Variants in LOX observed in about 807,000 individuals in gnomAD.
The protein encoded by LOX is protein-lysine 6-oxidase.
In LOX, 12 loss-of-function variants were observed where a neutral mutation model predicts 50.5. The ratio of observed to expected loss-of-function variants is 0.24; its 90% CI spans 0.15 to 0.38. LOX has a LOEUF of 0.38. LOX is among the 10% of genes least tolerant of loss of function. The pLI is 1.00. For synonymous variants in LOX, 254 were observed against 230.6 expected, an observed-to-expected ratio of 1.10 and a Z score of -0.92; for missense variants, 504 against 563.8, an observed-to-expected ratio of 0.89 and a Z score of 1.07.
In LOX at chr5:122,077,976, C is replaced by T. The variant is rs1580568790; in HGVS notation, c.10G>A (p.Ala4Thr). The T allele has an allele frequency of 1.4e-6, 2 of 1,460,982 alleles. No homozygotes were observed. Among genetic ancestry groups the T allele is most frequent in the Non-Finnish European group, 9.0e-7 (1 of 1,111,970 alleles). 90.5% of individuals were successfully genotyped at this position (1,460,982 alleles called of 1,614,324 possible). A position where few individuals can be genotyped will look rare whatever the true frequency, so the allele number is the denominator to read the frequency against. The change falls in exon 1 of 7, where the codon GCC (alanine) becomes ACC (threonine). Residue 4 changes from alanine to threonine, a missense_variant. Around this residue, in one of 2 missense-constraint regions of LOX, gnomAD observed 398 missense variants for 365.8 expected, o/e 1.09. Coordinates refer to ENST00000231004, the MANE Select transcript of LOX (RefSeq NM_002317.7). This position sits in a 1 kb window ranked among gnomAD's most constrained non-coding sequence, Gnocchi z 4.9. ...GGCCCGAGCAGGAGCACGGTCCAGG[C>T]GAAGCGCATCACTCCTTTTGCCAGA... MRF[A>T]WTVLLLGPLQ...
At chr5:122,074,379 G>A (rs1282694523) in intron 3 of LOX, among the ~76,000 whole-genome samples, 2 of 152,040 alleles carry the variant, frequency 1.3e-5, no homozygotes, top group African/African-American at 2.4e-5. Context: ...TTGCTACTAG[G>A]ACAAAAGACT....
intron 6 of LOX, among the ~76,000 whole-genome samples, chr5:122,067,767 C>T (rs1015089022): frequency 6.6e-6 from 1 of 152,146 alleles, no homozygotes; most frequent in African/African-American, 2.4e-5. Context: ...CCTGCAGTTT[C>T]CTCCTGCCAT....
At position 122,065,393 on chromosome 5, in the gene LOX, C is replaced by G. The variant is rs998343165; in HGVS notation, c.*1350G>C. 6 of 151,998 alleles carry G rather than the reference C, an allele frequency of 3.9e-5. No homozygotes were observed. Among genetic ancestry groups the G allele is most frequent in the African/African-American group, 1.2e-4 (5 of 41,370 alleles). The allele number at this position is 151,998 out of a possible 1,614,324, so 9.4% of individuals were successfully genotyped here. On this transcript the variant is annotated 3_prime_UTR_variant, in exon 7 of 7. Transcript: ENST00000231004. Reference sequence around the variant, plus strand: ...TATAGGAAAAATTATGCTTAAGCACCACTAACTTAAAAGTGTAATTTCATT... The same window carrying G: ...TATAGGAAAAATTATGCTTAAGCACGACTAACTTAAAAGTGTAATTTCATT...
chr5:122,072,965 G>A (rs1211628489), intron 4 of LOX, among the ~76,000 whole-genome samples: 1 of 152,124 alleles, frequency 6.6e-6, no homozygotes, highest in Non-Finnish European at 1.5e-5. Flanking sequence ...ATAATGTGTG[G>A]GTAAGTTACA....
At chr5:122,070,681 T>C (rs1291321516) in intron 4 of LOX, 92 bp from the exon 5 acceptor site, 5 of 651,514 alleles carry the variant, frequency 7.7e-6, no homozygotes, top group Non-Finnish European at 1.3e-5. Context: ...AATTTTAAGT[T>C]AGTACTTACA....
intron 6 of LOX, among the ~76,000 whole-genome samples, chr5:122,069,747 C>T (rs1754397282): frequency 6.6e-6 from 1 of 152,060 alleles, no homozygotes; most frequent in Non-Finnish European, 1.5e-5. Context: ...ACAAGCTCAC[C>T]CACTCTACAT....
At position 122,077,162 on chromosome 5, in the gene LOX, G is replaced by A; in HGVS notation, c.632-161C>T. The stretch of plus-strand genomic sequence containing the variant: ...AACTGGGGACGCCCGGGACTGCAAA[G>A]CAATGTGAAAAGGAAGCAGGAGGGG... On this transcript the variant is annotated intron_variant, in intron 1 of 6. Coordinates refer to ENST00000231004, the MANE Select transcript of LOX (RefSeq NM_002317.7). This position sits in a 1 kb window ranked among gnomAD's most constrained non-coding sequence, Gnocchi z 4.9. 6.8e-7 allele frequency: 1 copy of A among 1,466,178 alleles called. No individual in the cohort carries two copies. Among genetic ancestry groups the A allele is most frequent in the Non-Finnish European group, 9.0e-7 (1 of 1,114,976 alleles). 90.8% of individuals were successfully genotyped at this position (1,466,178 alleles called of 1,614,324 possible).
At chr5:122,072,483 A>C (rs900037542) in intron 4 of LOX, among the ~76,000 whole-genome samples, 5 of 152,178 alleles carry the variant, frequency 3.3e-5, no homozygotes, top group African/African-American at 1.2e-4. Flanking sequence ...TTAATATGTA[A>C]ATTTTTGTCT....
intron 6 of LOX, among the ~76,000 whole-genome samples, chr5:122,067,871 C>T (rs1580557150): frequency 6.6e-6 from 1 of 151,984 alleles, no homozygotes. Flanking sequence ...TCAAATGTAT[C>T]CTAAAGTCAC....
Position 122,067,349 on chromosome 5 carries a change from CAG to C in LOX, c.1248-602_1248-601del, listed in dbSNP as rs1278117433. On this transcript the variant is annotated intron_variant, in intron 6 of 6. Coordinates refer to ENST00000231004, the MANE Select transcript of LOX (RefSeq NM_002317.7). ...AGTATCTTATAACTGAAAGAAGCCTCAGAGTCACCTGGTCCGTACATTTTGTT... is the reference window on the plus strand; with the variant it reads ...AGTATCTTATAACTGAAAGAAGCCTCAGTCACCTGGTCCGTACATTTTGTT... Among the ~76,000 whole-genome samples, 10 of 152,068 alleles carry C rather than the reference CAG, an allele frequency of 6.6e-5. No individual in the cohort carries two copies. The East Asian group carries it at 1.9e-3, about 29-fold the overall frequency.
In LOX at chr5:122,064,866, A is replaced by G. The variant is rs1308818820; in HGVS notation, c.*1877T>C. ...TCCATGATGATATTGCCTAGTTTTT[A>G]ATACAAGCTTAAGAATCAATAAAAT... is the stretch of plus-strand genomic sequence containing the variant. On this transcript the variant is annotated 3_prime_UTR_variant, in exon 7 of 7. Transcript: ENST00000231004. 1.3e-5 allele frequency: 2 copies of G among 152,058 alleles called. No homozygotes were observed. The highest frequency in any genetic ancestry group is 6.6e-5 in the Admixed American group (1 of 15,226). The allele number at this position is 152,058 out of a possible 1,614,324, so 9.4% of individuals were successfully genotyped here.
chr5:122,077,950 A>T lies in LOX; in HGVS notation c.36T>A (p.Pro12=). The T allele has an allele frequency of 6.8e-7, 1 of 1,478,850 alleles. No homozygotes were observed. The highest frequency in any genetic ancestry group is 1.5e-5 in the South Asian group (1 of 68,134). 91.6% of individuals were successfully genotyped at this position (1,478,850 alleles called of 1,614,324 possible). ...AGTGCACTAGCGCGCAGAGCTGCAA[A>T]GGCCCGAGCAGGAGCACGGTCCAGG... ...RFAWTVLLLG[P]LQLCALVHCA... Residue 12 remains proline (P), a synonymous_variant, in exon 1 of 7, where the codon CCT becomes CCA. Coordinates refer to ENST00000231004, the MANE Select transcript of LOX (RefSeq NM_002317.7). This position sits in a 1 kb window ranked among gnomAD's most constrained non-coding sequence, Gnocchi z 4.9.
rs1313663186 is a variant in LOX, at chr5:122,064,104, A to G, written c.*2639T>C. The G allele has an allele frequency of 6.6e-6, 1 of 151,868 alleles. No homozygotes were observed. The highest frequency in any genetic ancestry group is 2.4e-5 in the African/African-American group (1 of 41,388). The allele number at this position is 151,868 out of a possible 1,614,324, so 9.4% of individuals were successfully genotyped here. A position where few individuals can be genotyped will look rare whatever the true frequency, so the allele number is the denominator to read the frequency against. ...TCATAAACTCTGAAATTATGTTCCT[A>G]TTTAGTCCATTTTCTGTCTTTTTTA... On this transcript the variant is annotated 3_prime_UTR_variant, in exon 7 of 7. Coordinates refer to ENST00000231004, the MANE Select transcript of LOX (RefSeq NM_002317.7).
chr5:122,077,285 G>A lies in LOX; in HGVS notation c.631+70C>T. 1 of 1,597,654 alleles carries A rather than the reference G, an allele frequency of 6.3e-7. No homozygotes were observed. The highest frequency in any genetic ancestry group is 8.5e-7 in the Non-Finnish European group (1 of 1,172,354). ...GACCGGGGCCCGCCGCGCCCAGGCA[G>A]CCACGTCGAGAAGCCACATAGCTGG... On this transcript the variant is annotated intron_variant, in intron 1 of 6. Transcript: ENST00000231004. This position sits in a 1 kb window ranked among gnomAD's most constrained non-coding sequence, Gnocchi z 4.9.
In LOX at chr5:122,077,794, G is replaced by A; in HGVS notation, c.192C>T (p.Tyr64=). ...VFSLLSLGSQ[Y]QPQRRRDPGA... Reference sequence around the variant, plus strand: ...CCGGGTCCCGGCGGCGCTGAGGCTGGTACTGTGAGCCCAGGCTCAGCAAGC... The same window carrying A: ...CCGGGTCCCGGCGGCGCTGAGGCTGATACTGTGAGCCCAGGCTCAGCAAGC... Residue 64 remains tyrosine, a synonymous_variant, in exon 1 of 7, where the codon TAC becomes TAT. Coordinates refer to ENST00000231004, the MANE Select transcript of LOX (RefSeq NM_002317.7). The surrounding 1 kb of genome is among the most constrained non-coding windows in gnomAD (Gnocchi z 4.9). The A allele has an allele frequency of 1.9e-6, 3 of 1,549,970 alleles. No homozygotes were observed. In the East Asian group the frequency reaches 7.2e-5, roughly 37 times the overall value.
chr5:122,076,490 G>A (rs1291161350), intron 2 of LOX, among the ~76,000 whole-genome samples: 1 of 152,166 alleles, frequency 6.6e-6, no homozygotes, highest in Admixed American at 6.5e-5. Flanking sequence ...ATGAGGCTAC[G>A]ATGGCAAATT....
intron 4 of LOX, among the ~76,000 whole-genome samples, chr5:122,072,174 G>C (rs1754470543): frequency 2.0e-5 from 3 of 152,110 alleles, no homozygotes; most frequent in South Asian, 4.1e-4. Context: ...TTTACATAAT[G>C]CTTCAGTGCT....
chr5:122,074,624 G>A (rs1326139538), intron 3 of LOX, among the ~76,000 whole-genome samples: 1 of 152,136 alleles, frequency 6.6e-6, no homozygotes, highest in Non-Finnish European at 1.5e-5. Flanking sequence ...TGAAAAGCAA[G>A]GGAGAACTCA....
chr5:122,076,858 C>G, intron 2 of LOX, 35 bp downstream of exon 2: 1 of 1,596,742 alleles, frequency 6.3e-7, no homozygotes, highest in Non-Finnish European at 8.6e-7. Context: ...TGAAGGTAGA[C>G]CGGGGAGCGG....
Sources: allele counts gnomAD v4.1 joint callset (sites outside exome capture counted in the v4.1 genomes callset), GRCh38; gene constraint gnomAD v4.1.1; regional missense constraint gnomAD v4.1.1; non-coding constraint Gnocchi (gnomAD v3.1); transcripts MANE v1.5; gene names NCBI Gene and HGNC (gene_info 2026-07-23, HGNC 2026-07-21).